The following ST18 variants were observed in gnomAD, a reference collection of about 807,000 sequenced individuals.
ST18 encodes suppression of tumorigenicity 18 protein.
Under a neutral mutation model 110.0 loss-of-function variants are expected in ST18, and 50 were observed. The observed-to-expected ratio is 0.45, with a 90% confidence interval of 0.36 to 0.58. The LOEUF is 0.58. Ranked by LOEUF, ST18 falls within the 20% of genes least tolerant of loss-of-function variation. The probability of loss-of-function intolerance (pLI) is 0.00; values close to 1 mark genes in which losing one functional copy is unlikely to be tolerated. For synonymous variants in ST18, 461 were observed against 452.4 expected, an observed-to-expected ratio of 1.02 and a Z score of -0.24; for missense variants, 1,306 against 1,280.1, an observed-to-expected ratio of 1.02 and a Z score of -0.31.
chr8:52,359,129 A>C (rs1824513608), intron 2 of ST18, among the ~76,000 whole-genome samples: 1 of 151,280 alleles, frequency 6.6e-6, no homozygotes, highest in East Asian at 1.9e-4. Context: ...AGAAAAAAAA[A>C]CACATGATAT....
chr8:52,280,630 C>A (rs1405619351), intron 2 of ST18, among the ~76,000 whole-genome samples: 8 of 151,930 alleles, frequency 5.3e-5, no homozygotes, highest in Non-Finnish European at 4.4e-5. Context: ...TTATTAATGA[C>A]CTTATTTAAG....
chr8:52,219,730 A>AG (rs1349799352), intron 5 of ST18, among the ~76,000 whole-genome samples: 1 of 152,200 alleles, frequency 6.6e-6, no homozygotes, highest in Non-Finnish European at 1.5e-5. Flanking sequence ...CATTCCCCCC[A>AG]GAAGAGATGA....
chr8:52,265,356 A>C (rs1288532242), intron 2 of ST18, among the ~76,000 whole-genome samples: 2 of 150,294 alleles, frequency 1.3e-5, no homozygotes, highest in Non-Finnish European at 2.9e-5. Flanking sequence ...GATTTACTGT[A>C]AGTGTGATGG....
intron 2 of ST18, among the ~76,000 whole-genome samples, chr8:52,347,881 T>C (rs1486182621): frequency 2.0e-5 from 3 of 152,206 alleles, no homozygotes; most frequent in Non-Finnish European, 4.4e-5. Context: ...GCACAGACTG[T>C]TTCCAGAGTG....
chr8:52,385,818 C>A (rs1836485590), intron 2 of ST18, among the ~76,000 whole-genome samples: 1 of 151,960 alleles, frequency 6.6e-6, no homozygotes, highest in African/African-American at 2.4e-5. Flanking sequence ...AAAGAGAGAA[C>A]AGCTGATGGA....
intron 2 of ST18, among the ~76,000 whole-genome samples, chr8:52,320,239 G>A (rs1394523845): frequency 6.6e-6 from 1 of 152,084 alleles, no homozygotes; most frequent in East Asian, 1.9e-4. Context: ...ATATATGTGT[G>A]TATATATTTT....
Position 52,112,859 on chromosome 8 carries a change from G to C in ST18, c.*339C>G, listed in dbSNP as rs2040916963. Reference sequence around the variant, plus strand: ...GGCAGACTTCAAAATGCAGTTAAAAGATAAAAAACTCTTTGATTAGTAATA... The same window carrying C: ...GGCAGACTTCAAAATGCAGTTAAAACATAAAAAACTCTTTGATTAGTAATA... On this transcript the variant is annotated 3_prime_UTR_variant, in exon 26 of 26. Transcript: ENST00000689386. 1 of 165,012 alleles carries C rather than the reference G, an allele frequency of 6.1e-6. No individual in the cohort carries two copies. The highest frequency in any genetic ancestry group is 2.4e-5 in the African/African-American group (1 of 41,494). The allele number at this position is 165,012 out of a possible 1,614,324, so 10.2% of individuals were successfully genotyped here.
At chr8:52,340,846 C>T (rs6991124) in intron 2 of ST18, among the ~76,000 whole-genome samples, 3,388 of 152,178 alleles carry the variant, frequency 0.022, 130 homozygotes, top group African/African-American at 0.077. Flanking sequence ...AACAAAAAAC[C>T]GCGAAGTGCC....
chr8:52,324,766 T>C (rs557363461), intron 2 of ST18, among the ~76,000 whole-genome samples: 2 of 152,350 alleles, frequency 1.3e-5, no homozygotes, highest in Non-Finnish European at 2.9e-5. Context: ...AAAAATGACC[T>C]GATATTCATT....
chr8:52,277,706 G>T (rs978238336), intron 2 of ST18, among the ~76,000 whole-genome samples: 2 of 152,140 alleles, frequency 1.3e-5, no homozygotes, highest in African/African-American at 4.8e-5. Flanking sequence ...CTCACCATCA[G>T]CAATACTTAG....
chr8:52,397,357 T>G lies in ST18; in HGVS notation c.-465+11971A>C, dbSNP rs543005244. ...TTTTTCTGCTATTGAACTATAAGAG[T>G]TCTTCATAAATTTTGGAAATTAACT... is the stretch of plus-strand genomic sequence containing the variant. On this transcript the variant is annotated intron_variant, in intron 2 of 25. Coordinates refer to ENST00000689386, the MANE Select transcript of ST18 (RefSeq NM_001352837.2). Among the ~76,000 whole-genome samples the G allele has an allele frequency of 2.0e-5, 3 of 152,328 alleles. No individual in the cohort carries two copies. The South Asian group carries it at 6.2e-4, about 32-fold the overall frequency.
intron 2 of ST18, among the ~76,000 whole-genome samples, chr8:52,289,360 T>C (rs965590277): frequency 3.3e-5 from 5 of 152,270 alleles, no homozygotes; most frequent in Admixed American, 3.3e-4. Flanking sequence ...CTTGGGACGC[T>C]GAGGCAGGAG....
At chr8:52,250,720 A>T (rs905583801) in intron 2 of ST18, among the ~76,000 whole-genome samples, 2 of 151,784 alleles carry the variant, frequency 1.3e-5, no homozygotes, top group African/African-American at 4.8e-5. Context: ...ACTTTCAGGG[A>T]TATTCTTATC....
intron 2 of ST18, among the ~76,000 whole-genome samples, chr8:52,299,332 T>C (rs537434162): frequency 6.6e-6 from 1 of 152,316 alleles, no homozygotes; most frequent in South Asian, 2.1e-4. Context: ...ATTCTCTCTT[T>C]AATTTTGTCT....
chr8:52,337,059 C>T (rs1812443185), intron 2 of ST18, among the ~76,000 whole-genome samples: 2 of 152,206 alleles, frequency 1.3e-5, no homozygotes, highest in Admixed American at 6.5e-5. Context: ...AATAACATCG[C>T]CTTTTTAAGT....
chr8:52,346,156 TA>T (rs1244017073), intron 2 of ST18, among the ~76,000 whole-genome samples: 2 of 151,206 alleles, frequency 1.3e-5, no homozygotes, highest in African/African-American at 4.8e-5. Context: ...AGGCCATATG[TA>T]AAATTTATTT....
intron 2 of ST18, among the ~76,000 whole-genome samples, chr8:52,380,000 G>A (rs778921355): frequency 6.6e-6 from 1 of 152,142 alleles, no homozygotes; most frequent in East Asian, 1.9e-4. Flanking sequence ...GGTAAAAAGC[G>A]ATCTCTCATA....
At chr8:52,371,469 C>T (rs1048610598) in intron 2 of ST18, among the ~76,000 whole-genome samples, 1 of 152,136 alleles carries the variant, frequency 6.6e-6, no homozygotes, top group Admixed American at 6.5e-5. Flanking sequence ...TGTGTCAAAT[C>T]ATGCATATTG....
In ST18 at chr8:52,183,313, G is replaced by A. The variant is rs137956546; in HGVS notation, c.87-3001C>T. 7.8e-4 allele frequency among the ~76,000 whole-genome samples: 119 copies of A among 152,268 alleles called. 1 individual carries two copies. In the East Asian group the frequency reaches 0.019, roughly 24 times the overall value. ...GCAGCAATGAGAAACACCTTGCAAA[G>A]TAATAAACTAAGACACTCCCAAAAT... On this transcript the variant is annotated intron_variant, in intron 8 of 25. Transcript: ENST00000689386.
Sources: allele counts gnomAD v4.1 joint callset (sites outside exome capture counted in the v4.1 genomes callset), GRCh38; gene constraint gnomAD v4.1.1; transcripts MANE v1.5; gene names NCBI Gene and HGNC (gene_info 2026-07-23, HGNC 2026-07-21).